FSTL4: variants seen among roughly 807,000 people sequenced by gnomAD.
FSTL4 encodes follistatin like 4.
A neutral mutation model predicts 78.2 loss-of-function variants in FSTL4; 28 were observed. The ratio of observed to expected loss-of-function variants is 0.36; its 90% CI spans 0.27 to 0.49. FSTL4 has a LOEUF of 0.49. Ranked by LOEUF, FSTL4 falls within the 20% of genes least tolerant of loss-of-function variation. The pLI is 0.98. For synonymous variants in FSTL4, 422 were observed against 440.5 expected (o/e 0.96, Z 0.53); for missense variants, 922 against 1,084.9 (o/e 0.85, Z 2.11).
At chr5:133,464,966 T>C (rs539538540) in intron 3 of FSTL4, among the ~76,000 whole-genome samples, 88 of 152,274 alleles carry the variant, frequency 5.8e-4, no homozygotes, top group African/African-American at 2.0e-3. Context: ...CCACCTACCT[T>C]TGCTGGTCCT....
intron 7 of FSTL4, among the ~76,000 whole-genome samples, chr5:133,238,737 G>A (rs1202614400): frequency 6.6e-6 from 1 of 152,242 alleles, no homozygotes; most frequent in Non-Finnish European, 1.5e-5. Context: ...CCAACATACT[G>A]GCTCCCTAGT....
At chr5:133,512,661 A>C (rs1758758269) in intron 3 of FSTL4, among the ~76,000 whole-genome samples, 4 of 152,242 alleles carry the variant, frequency 2.6e-5, no homozygotes, top group Non-Finnish European at 5.9e-5. Flanking sequence ...TTCTGTAATA[A>C]GATAAATGTG....
intron 8 of FSTL4, among the ~76,000 whole-genome samples, chr5:133,232,530 G>C (rs115817129): frequency 5.9e-4 from 90 of 152,160 alleles, no homozygotes; most frequent in African/African-American, 2.1e-3. Context: ...AATCACCCCC[G>C]TATCTACCCT....
At chr5:133,242,309 C>T (rs1455885899) in intron 7 of FSTL4, among the ~76,000 whole-genome samples, 4 of 152,120 alleles carry the variant, frequency 2.6e-5, no homozygotes, top group Non-Finnish European at 5.9e-5. Context: ...GAGGGGTAGG[C>T]TCCAATCTGT....
chr5:133,465,901 C>G (rs567001976), intron 3 of FSTL4, among the ~76,000 whole-genome samples: 2 of 152,240 alleles, frequency 1.3e-5, no homozygotes, highest in Non-Finnish European at 2.9e-5. Context: ...GGCTCAACAT[C>G]GTGGCTAGCT....
intron 4 of FSTL4, among the ~76,000 whole-genome samples, chr5:133,396,960 A>C (rs1756072271): frequency 6.6e-6 from 1 of 152,178 alleles, no homozygotes; most frequent in Non-Finnish European, 1.5e-5. Flanking sequence ...CAGGCTGAGG[A>C]AGCTGAAGGG....
chr5:133,808,896 C>A, the FSTL4 span, among the ~76,000 whole-genome samples: 2 of 118,070 alleles, frequency 1.7e-5, no homozygotes, highest in Non-Finnish European at 3.3e-5. Flanking sequence ...CAAAACACAA[C>A]TGAACCTGGA....
chr5:133,336,739 CCTGT>C (rs1754472577), intron 4 of FSTL4, among the ~76,000 whole-genome samples: 1 of 152,186 alleles, frequency 6.6e-6, no homozygotes, highest in Non-Finnish European at 1.5e-5. Context: ...ACCCTGTGTG[CCTGT>C]CTTTCTATTG....
intron 3 of FSTL4, among the ~76,000 whole-genome samples, chr5:133,564,181 T>A (rs1406205974): frequency 6.6e-6 from 1 of 152,178 alleles, no homozygotes. Flanking sequence ...ACCTCACTAT[T>A]GGATTAGGGC....
intron 3 of FSTL4, among the ~76,000 whole-genome samples, chr5:133,562,743 T>C (rs1177156240): frequency 6.6e-6 from 1 of 152,146 alleles, no homozygotes; most frequent in Non-Finnish European, 1.5e-5. Context: ...ATCACGGACA[T>C]CTGGAATAGC....
At chr5:133,410,656 T>C (rs1270718146) in intron 3 of FSTL4, among the ~76,000 whole-genome samples, 4 of 152,210 alleles carry the variant, frequency 2.6e-5, no homozygotes, top group African/African-American at 9.6e-5. Context: ...CACCTTGCCT[T>C]GGTTGGATCA....
At chr5:133,528,851 A>C (rs1166912002) in intron 3 of FSTL4, among the ~76,000 whole-genome samples, 4 of 152,100 alleles carry the variant, frequency 2.6e-5, no homozygotes, top group Admixed American at 6.6e-5. Context: ...GTCTAGTAAA[A>C]CCTGTTCTTG....
chr5:133,352,253 C>CATAT (rs34251947), intron 4 of FSTL4, among the ~76,000 whole-genome samples: 1 of 85,772 alleles, frequency 1.2e-5, no homozygotes, highest in South Asian at 3.5e-4. Context: ...TATATACACA[C>CATAT]ATATATATAT....
chr5:133,510,383 T>TA (rs1184893560), intron 3 of FSTL4, among the ~76,000 whole-genome samples: 1 of 152,152 alleles, frequency 6.6e-6, no homozygotes. Context: ...TATTTCTATA[T>TA]AAAAAATTAC....
intron 14 of FSTL4, among the ~76,000 whole-genome samples, chr5:133,206,831 CT>C (rs1164526451): frequency 6.6e-6 from 1 of 151,672 alleles, no homozygotes; most frequent in Non-Finnish European, 1.5e-5. Flanking sequence ...AAGTTTTGTT[CT>C]CTTTCAATTT....
chr5:133,817,578 G>A, the FSTL4 span, among the ~76,000 whole-genome samples: 1 of 152,204 alleles, frequency 6.6e-6, no homozygotes, highest in Non-Finnish European at 1.5e-5. Context: ...TGGCAGCATG[G>A]AGGAAGGGCC....
intron 1 of FSTL4, among the ~76,000 whole-genome samples, chr5:133,609,237 T>A (rs1761038388): frequency 6.6e-6 from 1 of 152,198 alleles, no homozygotes. Flanking sequence ...CCCTGAAGCA[T>A]CTGCATTCTC....
intron 3 of FSTL4, among the ~76,000 whole-genome samples, chr5:133,493,091 C>T (rs1241072698): frequency 6.6e-6 from 1 of 152,004 alleles, no homozygotes; most frequent in South Asian, 2.1e-4. Context: ...CTTTATAATT[C>T]TCTTCTTTTT....
chr5:133,590,602 C>A (rs953631760), intron 2 of FSTL4, among the ~76,000 whole-genome samples: 3 of 152,110 alleles, frequency 2.0e-5, no homozygotes, highest in African/African-American at 7.2e-5. Context: ...AACCTCAAAG[C>A]AGCTGCACTA....
Sources: gnomAD v4.1 joint callset for allele counts (sites outside exome capture counted in the v4.1 genomes callset) on GRCh38, gnomAD v4.1.1 for gene constraint, MANE v1.5 for transcripts, NCBI Gene and HGNC (gene_info 2026-07-23, HGNC 2026-07-21) for gene names.